The following SAMD12 variants were observed in gnomAD, a reference collection of about 807,000 sequenced individuals.
SAMD12 encodes sterile alpha motif domain-containing protein 12.
In SAMD12, 9 loss-of-function variants were observed where a neutral mutation model predicts 15.0. The ratio of observed to expected loss-of-function variants is 0.60; its 90% confidence interval spans 0.36 to 1.05. The LOEUF (loss-of-function observed/expected upper bound fraction) is 1.05, where lower values mean the gene tolerates loss of function less well. SAMD12 is among the 50% of genes least tolerant of loss of function. The probability of loss-of-function intolerance (pLI) is 0.01; values close to 1 mark genes in which losing one functional copy is unlikely to be tolerated. For synonymous variants in SAMD12, 86 were observed against 90.1 expected (o/e 0.96, Z 0.25); for missense variants, 230 against 234.2 (o/e 0.98, Z 0.12).
At chr8:118,286,631 C>A (rs770592173) in intron 4 of SAMD12, among the ~76,000 whole-genome samples, 11 of 152,104 alleles carry the variant, frequency 7.2e-5, no homozygotes, top group Non-Finnish European at 5.9e-5. Flanking sequence ...GGGAAGCCAG[C>A]GTGGTAGGAC....
chr8:118,292,588 A>C (rs1225920769), intron 4 of SAMD12, among the ~76,000 whole-genome samples: 1 of 152,098 alleles, frequency 6.6e-6, no homozygotes, highest in Non-Finnish European at 1.5e-5. Flanking sequence ...GCTGCTATAA[A>C]GACACATGCA....
At chr8:118,328,129 C>T (rs961442001) in intron 4 of SAMD12, among the ~76,000 whole-genome samples, 3 of 152,114 alleles carry the variant, frequency 2.0e-5, no homozygotes, top group Admixed American at 6.5e-5. Context: ...TAGACATGAC[C>T]GTGCCTCCTC....
chr8:118,199,635 A>G (rs1436830371), intron 4 of SAMD12, among the ~76,000 whole-genome samples: 2 of 152,204 alleles, frequency 1.3e-5, no homozygotes, highest in Non-Finnish European at 2.9e-5. Context: ...TGCTTCTTTA[A>G]ATAACCATGT....
chr8:118,362,108 T>G (rs1818530420), intron 4 of SAMD12, among the ~76,000 whole-genome samples: 2 of 150,900 alleles, frequency 1.3e-5, no homozygotes, highest in South Asian at 4.2e-4. Context: ...GGGAGTGGGA[T>G]GAAGGGAGGG....
chr8:118,525,829 T>C lies in SAMD12; in HGVS notation c.192+54886A>G, dbSNP rs538973962. ...CTATGAAGTTAGGTTCAGAAATCCA[T>C]TTGCTTCTATGTTTAAAGCAACACT... On this transcript the variant is annotated intron_variant, in intron 2 of 3. Coordinates refer to ENST00000314727, the MANE Select transcript of SAMD12 (RefSeq NM_207506.3). Among the ~76,000 whole-genome samples the C allele has an allele frequency of 2.6e-5, 4 of 152,318 alleles. No homozygotes were observed. In the East Asian group the frequency reaches 7.7e-4, roughly 29 times the overall value.
At position 118,443,353 on chromosome 8, in the gene SAMD12, A is replaced by G. The variant is rs1822812006; in HGVS notation, c.193-3392T>C. Among the ~76,000 whole-genome samples the G allele has an allele frequency of 2.0e-5, 3 of 152,152 alleles. No individual in the cohort carries two copies. The South Asian group carries it at 6.2e-4, about 32-fold the overall frequency. Reference sequence around the variant, plus strand: ...GTGGCATGCACCTGTAATCCCAGCTACGCGGGAGACAGGAGGATCGCTTGA... The same window carrying G: ...GTGGCATGCACCTGTAATCCCAGCTGCGCGGGAGACAGGAGGATCGCTTGA... On this transcript the variant is annotated intron_variant, in intron 2 of 3. Coordinates refer to ENST00000314727, the MANE Select transcript of SAMD12 (RefSeq NM_207506.3).
intron 2 of SAMD12, among the ~76,000 whole-genome samples, chr8:118,507,357 A>C (rs1467279669): frequency 6.6e-6 from 1 of 152,130 alleles, no homozygotes; most frequent in African/African-American, 2.4e-5. Flanking sequence ...TATGTCCCAT[A>C]TTAATTACTA....
chr8:118,357,497 C>T (rs1586592600), intron 4 of SAMD12, among the ~76,000 whole-genome samples: 1 of 152,134 alleles, frequency 6.6e-6, no homozygotes, highest in South Asian at 2.1e-4. Flanking sequence ...TCCCAAAGTG[C>T]TGGGATTATA....
intron 2 of SAMD12, among the ~76,000 whole-genome samples, chr8:118,469,326 G>A (rs898584628): frequency 6.8e-6 from 1 of 147,988 alleles, no homozygotes; most frequent in Admixed American, 7.1e-5. Context: ...CATAAATGGA[G>A]TTCTTGGAGA....
At chr8:118,446,123 G>T (rs1413692165) in intron 2 of SAMD12, among the ~76,000 whole-genome samples, 1 of 151,490 alleles carries the variant, frequency 6.6e-6, no homozygotes, top group African/African-American at 2.4e-5. Flanking sequence ...GCTCTTTGAG[G>T]TTCTTAAAAA....
At chr8:118,302,306 T>C (rs1463285123) in intron 4 of SAMD12, among the ~76,000 whole-genome samples, 1 of 152,116 alleles carries the variant, frequency 6.6e-6, no homozygotes, top group Admixed American at 6.6e-5. Flanking sequence ...GCCACATTCA[T>C]TTAGTTCTTT....
At chr8:118,420,424 T>C (rs770607746) in intron 3 of SAMD12, among the ~76,000 whole-genome samples, 1 of 152,214 alleles carries the variant, frequency 6.6e-6, no homozygotes, top group African/African-American at 2.4e-5. Flanking sequence ...ATGTACAATG[T>C]ATCTGGAAAA....
At position 118,379,154 on chromosome 8, in the gene SAMD12, G is replaced by A; in HGVS notation, c.*263C>T. On this transcript the variant is annotated 3_prime_UTR_variant, in exon 4 of 4. Transcript: ENST00000314727. ...ACTATTGAATCACTCAAATGCTAAAGCGCCCTCACAATTGGCGCAGGTGAA... is the reference window on the plus strand; with the variant it reads ...ACTATTGAATCACTCAAATGCTAAAACGCCCTCACAATTGGCGCAGGTGAA... 21 of 1,210,934 alleles carry A rather than the reference G, an allele frequency of 1.7e-5. No homozygotes were observed. Among genetic ancestry groups the A allele is most frequent in the Non-Finnish European group, 2.1e-5 (20 of 969,230 alleles). The allele number at this position is 1,210,934 out of a possible 1,614,324, so 75.0% of individuals were successfully genotyped here.
intron 4 of SAMD12, among the ~76,000 whole-genome samples, chr8:118,265,642 C>A (rs1813178914): frequency 6.6e-6 from 1 of 151,290 alleles, no homozygotes; most frequent in South Asian, 2.1e-4. Flanking sequence ...TTGGATCATT[C>A]AGTCATTTAT....
At chr8:118,398,531 G>C (rs1054762100) in intron 3 of SAMD12, among the ~76,000 whole-genome samples, 4 of 152,280 alleles carry the variant, frequency 2.6e-5, no homozygotes, top group East Asian at 3.9e-4. Context: ...TCTGCTGCCT[G>C]GTCTTTCTCT....
intron 4 of SAMD12, among the ~76,000 whole-genome samples, chr8:118,218,073 C>T (rs527967480): frequency 1.5e-4 from 23 of 152,250 alleles, no homozygotes; most frequent in African/African-American, 3.1e-4. Context: ...AGTTCTGCAA[C>T]ACCCAAGTTG....
At chr8:118,585,237 C>T (rs918002910) in intron 1 of SAMD12, among the ~76,000 whole-genome samples, 2 of 152,116 alleles carry the variant, frequency 1.3e-5, no homozygotes, top group Non-Finnish European at 2.9e-5. Context: ...ATGAGTTAAT[C>T]AAATCTACAG....
intron 3 of SAMD12, among the ~76,000 whole-genome samples, chr8:118,424,529 T>A (rs1822159030): frequency 6.6e-6 from 1 of 152,178 alleles, no homozygotes; most frequent in Non-Finnish European, 1.5e-5. Context: ...GTATCAAAGA[T>A]ATGAAGCTTG....
chr8:118,431,424 C>T (rs980011694), intron 3 of SAMD12, among the ~76,000 whole-genome samples: 2 of 152,112 alleles, frequency 1.3e-5, no homozygotes, highest in African/African-American at 4.8e-5. Flanking sequence ...GGGCAGTTTG[C>T]TGACACTGAA....
Sources: gnomAD v4.1 joint callset for allele counts (sites outside exome capture counted in the v4.1 genomes callset) on GRCh38, gnomAD v4.1.1 for gene constraint, MANE v1.5 for transcripts, NCBI Gene and HGNC (gene_info 2026-07-23, HGNC 2026-07-21) for gene names.